CALN1: variants seen among roughly 807,000 people sequenced by gnomAD.
CALN1 encodes calcium-binding protein 8.
In CALN1, 17 loss-of-function variants were observed where a neutral mutation model predicts 30.6. The ratio of observed to expected loss-of-function variants is 0.56; its 90% CI spans 0.38 to 0.83. The LOEUF (loss-of-function observed/expected upper bound fraction) is 0.83, where lower values mean the gene tolerates loss of function less well. CALN1 is among the 40% of genes least tolerant of loss of function. The probability of loss-of-function intolerance (pLI) is 0.00; values close to 1 mark genes in which losing one functional copy is unlikely to be tolerated. For synonymous variants in CALN1, 156 were observed against 131.4 expected, an observed-to-expected ratio of 1.19 and a Z score of -1.28; for missense variants, 291 against 354.9, an observed-to-expected ratio of 0.82 and a Z score of 1.45.
At chr7:72,372,189 AC>A (rs1190874295) in intron 2 of CALN1, among the ~76,000 whole-genome samples, 1 of 152,090 alleles carries the variant, frequency 6.6e-6, no homozygotes, top group Non-Finnish European at 1.5e-5. Flanking sequence ...ATCATCTTGC[AC>A]CTCAGCCCCC....
chr7:72,115,886 T>A (rs560467982), intron 3 of CALN1, among the ~76,000 whole-genome samples: 3 of 152,228 alleles, frequency 2.0e-5, no homozygotes, highest in African/African-American at 7.2e-5. Context: ...ATCCTCTTTT[T>A]TTAGCTCCCA....
chr7:72,393,185 C>T (rs1386249598), intron 2 of CALN1, among the ~76,000 whole-genome samples: 5 of 152,038 alleles, frequency 3.3e-5, no homozygotes, highest in South Asian at 2.1e-4. Context: ...ACTAGCACTC[C>T]GGCTGGGCGC....
At chr7:71,985,594 T>C (rs986835126) in intron 5 of CALN1, among the ~76,000 whole-genome samples, 1 of 146,366 alleles carries the variant, frequency 6.8e-6, no homozygotes. Flanking sequence ...CTTTTTTTTT[T>C]TTTTTTTTTT....
intron 2 of CALN1, among the ~76,000 whole-genome samples, chr7:72,392,804 C>G (rs7786757): frequency 0.015 from 2,191 of 149,812 alleles, 19 homozygotes; most frequent in African/African-American, 0.028. Context: ...ATAGCAAGAC[C>G]CTGTTTAAAT....
rs1793074787 is a variant in CALN1, at chr7:71,888,889, G to C, written c.502-78397C>G. Among the ~76,000 whole-genome samples the C allele has an allele frequency of 2.0e-5, 3 of 152,296 alleles. 1 individual carries two copies. The highest frequency in any genetic ancestry group is 2.0e-4 in the Admixed American group (3 of 15,310). Reference sequence around the variant, plus strand: ...TGATGCCACTGAGTTTGGCAAATGAGGCAAAAGAATGAACAATGTTCACCT... The same window carrying C: ...TGATGCCACTGAGTTTGGCAAATGACGCAAAAGAATGAACAATGTTCACCT... On this transcript the variant is annotated intron_variant, in intron 5 of 6. Coordinates refer to ENST00000395275, the MANE Select transcript of CALN1 (RefSeq NM_031468.4).
chr7:72,271,825 G>A (rs933106506), intron 3 of CALN1, among the ~76,000 whole-genome samples: 2 of 151,600 alleles, frequency 1.3e-5, no homozygotes, highest in Non-Finnish European at 2.9e-5. Context: ...CACTTTGGAG[G>A]CTGAGGCAGG....
At chr7:72,501,928 AAT>A in the CALN1 span, among the ~76,000 whole-genome samples, 59 of 57,934 alleles carry the variant, frequency 1.0e-3, 7 homozygotes, top group East Asian at 8.8e-3. Flanking sequence ...AAAAAAAAAA[AAT>A]ATATATATAT....
At chr7:72,192,849 T>A (rs1790720474) in intron 3 of CALN1, among the ~76,000 whole-genome samples, 1 of 123,086 alleles carries the variant, frequency 8.1e-6, no homozygotes. Flanking sequence ...TTCCCCTTCC[T>A]GTGTCCATGT....
chr7:72,376,980 C>A (rs1040631183), intron 2 of CALN1, among the ~76,000 whole-genome samples: 1 of 152,168 alleles, frequency 6.6e-6, no homozygotes, highest in Admixed American at 6.5e-5. Context: ...GCACCCTTGT[C>A]AAAAATCAAT....
intron 5 of CALN1, among the ~76,000 whole-genome samples, chr7:71,884,109 T>A (rs1001962421): frequency 3.3e-5 from 5 of 152,100 alleles, no homozygotes; most frequent in African/African-American, 1.2e-4. Flanking sequence ...AAGACGAGGT[T>A]TCACCATGTT....
intron 3 of CALN1, among the ~76,000 whole-genome samples, chr7:72,246,410 G>C (rs553896197): frequency 6.6e-6 from 1 of 152,256 alleles, no homozygotes; most frequent in South Asian, 2.1e-4. Context: ...ACGGTGGCTT[G>C]GTGATGTCCC....
At chr7:72,389,455 C>T (rs1805439074) in intron 2 of CALN1, among the ~76,000 whole-genome samples, 1 of 152,188 alleles carries the variant, frequency 6.6e-6, no homozygotes, top group South Asian at 2.1e-4. Flanking sequence ...ATCTTCTTTA[C>T]ACTAGGAAAA....
At chr7:72,208,319 C>T (rs511253) in intron 3 of CALN1, among the ~76,000 whole-genome samples, 1,549 of 152,294 alleles carry the variant, frequency 0.01, 23 homozygotes, top group African/African-American at 0.035. Context: ...AACCAAGATA[C>T]ACAAATTTTC....
intron 2 of CALN1, chr7:72,337,325 C>T (rs1188368146): frequency 1.0e-6 from 1 of 967,878 alleles, no homozygotes; most frequent in African/African-American, 1.8e-5. Context: ...GGTCGGGGAG[C>T]CCCCACCCCC....
intron 1 of CALN1, among the ~76,000 whole-genome samples, chr7:72,422,116 T>C (rs1807632131): frequency 6.6e-6 from 1 of 152,196 alleles, no homozygotes; most frequent in Non-Finnish European, 1.5e-5. Flanking sequence ...TTTCATATAA[T>C]GACTTCTTTT....
At chr7:72,108,725 A>G (rs1056004977) in intron 3 of CALN1, among the ~76,000 whole-genome samples, 1 of 152,192 alleles carries the variant, frequency 6.6e-6, no homozygotes, top group Non-Finnish European at 1.5e-5. Context: ...GGCTGGGGGC[A>G]TCCACCATCT....
intron 1 of CALN1, among the ~76,000 whole-genome samples, chr7:72,418,268 G>T (rs1471429257): frequency 6.6e-6 from 1 of 152,156 alleles, no homozygotes; most frequent in African/African-American, 2.4e-5. Flanking sequence ...GCCTCCAGCT[G>T]CATCTATGTT....
intron 5 of CALN1, among the ~76,000 whole-genome samples, chr7:72,005,933 T>G (rs549506866): frequency 1.3e-5 from 2 of 152,196 alleles, no homozygotes; most frequent in African/African-American, 2.4e-5. Flanking sequence ...TCAACACACT[T>G]TCACATGTGA....
intron 3 of CALN1, among the ~76,000 whole-genome samples, chr7:72,127,062 G>A (rs1156927861): frequency 2.0e-5 from 3 of 151,942 alleles, no homozygotes; most frequent in Admixed American, 6.6e-5. Flanking sequence ...AGGAAGTAGT[G>A]TATTTAAGTG....
Sources: gnomAD v4.1 joint callset for allele counts (sites outside exome capture counted in the v4.1 genomes callset) on GRCh38, gnomAD v4.1.1 for gene constraint, MANE v1.5 for transcripts, NCBI Gene and HGNC (gene_info 2026-07-23, HGNC 2026-07-21) for gene names.